Variants in ZNF385D observed in about 807,000 individuals in gnomAD.
ZNF385D encodes zinc finger protein 385D, also known as zinc finger protein 659.
A neutral mutation model predicts 35.8 loss-of-function variants in ZNF385D; 15 were observed. The ratio of observed to expected loss-of-function variants is 0.42; its 90% CI spans 0.28 to 0.64. ZNF385D has a LOEUF of 0.64. ZNF385D is among the 30% of genes least tolerant of loss of function. The probability of loss-of-function intolerance (pLI) is 0.23; values close to 1 mark genes in which losing one functional copy is unlikely to be tolerated. For missense variants in ZNF385D, 474 were observed against 494.6 expected (o/e 0.96, Z 0.39); for synonymous variants, 212 against 186.8 (o/e 1.13, Z -1.10).
chr3:21,777,937 T>C (rs537735138), intron 3 of ZNF385D, among the ~76,000 whole-genome samples: 51 of 151,976 alleles, frequency 3.4e-4, no homozygotes, highest in African/African-American at 1.2e-3. Flanking sequence ...ATTGTCCAGC[T>C]GAAGCAAACC....
At chr3:21,848,093 CTT>C (rs764370660) in intron 3 of ZNF385D, among the ~76,000 whole-genome samples, 82 of 152,118 alleles carry the variant, frequency 5.4e-4, no homozygotes, top group Non-Finnish European at 6.3e-4. Flanking sequence ...CTGTGACTGA[CTT>C]ATTTCACTTA....
At chr3:22,265,679 A>C (rs574541395) in intron 2 of ZNF385D, among the ~76,000 whole-genome samples, 2 of 152,092 alleles carry the variant, frequency 1.3e-5, no homozygotes, top group African/African-American at 4.8e-5. Flanking sequence ...TATGAGAGGA[A>C]GGAGTGATCA....
At position 21,425,585 on chromosome 3, in the gene ZNF385D, T is replaced by C. The variant is rs753012936; in HGVS notation, c.759A>G (p.Gly253=). Residue 253 remains glycine, a synonymous_variant, in exon 6 of 8, where the codon GGA becomes GGG. Coordinates refer to ENST00000281523, the MANE Select transcript of ZNF385D (RefSeq NM_024697.3). ...GGCCTGTGTTTCCTTTATTAACAGG[T>C]CCTTTGCCTTTCACTCCTGCCCTAG... ...AFPRAGVKGK[G]PVNKGNTGLQ... The C allele has an allele frequency of 1.4e-5, 23 of 1,610,574 alleles. No individual in the cohort carries two copies. The highest frequency in any genetic ancestry group is 2.0e-5 in the Non-Finnish European group (23 of 1,178,424).
intron 3 of ZNF385D, among the ~76,000 whole-genome samples, chr3:21,931,259 A>C (rs1700993092): frequency 6.6e-6 from 1 of 152,178 alleles, no homozygotes; most frequent in Non-Finnish European, 1.5e-5. Context: ...TTTTTTACCC[A>C]CTAGGAATGC....
At chr3:21,862,916 G>A (rs1024196336) in intron 3 of ZNF385D, among the ~76,000 whole-genome samples, 1 of 152,254 alleles carries the variant, frequency 6.6e-6, no homozygotes, top group East Asian at 1.9e-4. Context: ...AATAAAGGCA[G>A]ACTAATGTCA....
intron 3 of ZNF385D, among the ~76,000 whole-genome samples, chr3:22,074,623 T>C (rs372157964): frequency 1.6e-4 from 25 of 151,944 alleles, no homozygotes; most frequent in African/African-American, 6.0e-4. Flanking sequence ...GTTTGTTTAA[T>C]TCCACAATAT....
chr3:21,870,166 C>T (rs999533200), intron 3 of ZNF385D, among the ~76,000 whole-genome samples: 1 of 152,012 alleles, frequency 6.6e-6, no homozygotes, highest in African/African-American at 2.4e-5. Flanking sequence ...ATTATTTTTC[C>T]CACACAGAAT....
intron 3 of ZNF385D, among the ~76,000 whole-genome samples, chr3:21,842,264 G>A (rs572841782): frequency 6.6e-6 from 1 of 152,024 alleles, no homozygotes; most frequent in South Asian, 2.1e-4. Context: ...TGGAACAATA[G>A]AAATGCAATT....
intron 1 of ZNF385D, among the ~76,000 whole-genome samples, chr3:21,703,370 CAT>C (rs1458738331): frequency 1.3e-5 from 2 of 152,106 alleles, no homozygotes; most frequent in African/African-American, 2.4e-5. Flanking sequence ...CCTCCTATAA[CAT>C]GTGGGAATTC....
At chr3:22,064,854 A>G (rs73139317) in intron 3 of ZNF385D, among the ~76,000 whole-genome samples, 539 of 152,332 alleles carry the variant, frequency 3.5e-3, no homozygotes, top group African/African-American at 0.013. Context: ...AAGAATCTTT[A>G]GTGATCTATT....
At chr3:22,319,084 C>G (rs922078318) in intron 2 of ZNF385D, among the ~76,000 whole-genome samples, 21 of 152,076 alleles carry the variant, frequency 1.4e-4, no homozygotes, top group African/African-American at 4.8e-4. Flanking sequence ...TAGCATAAAA[C>G]AAAAGCCAAA....
Position 21,511,169 on chromosome 3 carries a change from G to C in ZNF385D, c.277-146C>G, listed in dbSNP as rs114510899. 774 of 929,506 alleles carry C rather than the reference G, an allele frequency of 8.3e-4. 6 individuals are homozygous for C. The African/African-American group carries it at 0.012, about 14-fold the overall frequency. 57.6% of individuals were successfully genotyped at this position (929,506 alleles called of 1,614,324 possible). A position where few individuals can be genotyped will look rare whatever the true frequency, so the allele number is the denominator to read the frequency against. ...TGGCCAGACAGTGGGGTTCTATTTA[G>C]AATGATGCTAGAAAGCAATGGGAAT... On this transcript the variant is annotated intron_variant, in intron 3 of 7. Transcript: ENST00000281523.
rs188021251 is a variant in ZNF385D, at chr3:21,860,927, C to G, written c.326-195899G>C. On this transcript the variant is annotated intron_variant, in intron 3 of 5. Transcript: ENST00000494108. ...TCGATGTCTGATTCTCATTTAGTTG[C>G]CCTGATTTCTTTTAGTCTCTAGGCA... Among the ~76,000 whole-genome samples, 4 of 152,188 alleles carry G rather than the reference C, an allele frequency of 2.6e-5. No homozygotes were observed. The East Asian group carries it at 5.8e-4, about 22-fold the overall frequency.
chr3:21,428,177 T>C (rs1701107355), intron 5 of ZNF385D, among the ~76,000 whole-genome samples: 1 of 152,072 alleles, frequency 6.6e-6, no homozygotes, highest in African/African-American at 2.4e-5. Flanking sequence ...TTTAAATGTA[T>C]GAGATAAAAT....
At chr3:22,323,058 A>G (rs375763077) in intron 2 of ZNF385D, among the ~76,000 whole-genome samples, 5 of 152,256 alleles carry the variant, frequency 3.3e-5, no homozygotes, top group South Asian at 2.1e-4. Context: ...CCCCACGGAC[A>G]GGAAATGCGT....
intron 3 of ZNF385D, among the ~76,000 whole-genome samples, chr3:22,108,436 G>A (rs77265709): frequency 0.036 from 5,430 of 151,936 alleles, 244 homozygotes; most frequent in African/African-American, 0.11. Flanking sequence ...GGTATGAAAT[G>A]CAACTATAGC....
upstream of ZNF385D, among the ~76,000 whole-genome samples, chr3:21,755,322 G>C (rs566595626): frequency 1.3e-3 from 202 of 152,150 alleles, 3 homozygotes; most frequent in African/African-American, 4.4e-3. Flanking sequence ...CCACTCCTTT[G>C]CTCAGTATTC....
At chr3:21,964,457 T>G in intron 3 of ZNF385D, among the ~76,000 whole-genome samples, 1 of 120,874 alleles carries the variant, frequency 8.3e-6, no homozygotes, top group Non-Finnish European at 1.8e-5. Flanking sequence ...GAAAAAGATG[T>G]CCAATTTCTC....
intron 3 of ZNF385D, among the ~76,000 whole-genome samples, chr3:21,880,503 A>G (rs1698219870): frequency 6.6e-6 from 1 of 152,034 alleles, no homozygotes; most frequent in Non-Finnish European, 1.5e-5. Context: ...GGCAAACTTC[A>G]TTGATAAATG....
Sources: gnomAD v4.1 joint callset for allele counts (sites outside exome capture counted in the v4.1 genomes callset) on GRCh38, gnomAD v4.1.1 for gene constraint, MANE v1.5 for transcripts, NCBI Gene and HGNC (gene_info 2026-07-23, HGNC 2026-07-21) for gene names.